Variants in CELF2 observed in about 807,000 individuals in gnomAD.
The protein encoded by CELF2 is CUG triplet repeat RNA-binding protein 2.
CELF2 carries 8 observed loss-of-function variants against 62.6 expected under a neutral mutation model. That is an observed-to-expected ratio of 0.13 (90% CI 0.07 to 0.23). The LOEUF (loss-of-function observed/expected upper bound fraction) is 0.23, where lower values mean the gene tolerates loss of function less well. Ranked by LOEUF, CELF2 falls within the 10% of genes least tolerant of loss-of-function variation. The pLI is 1.00. For missense variants in CELF2, 333 were observed against 671.0 expected, an observed-to-expected ratio of 0.50 and a Z score of 5.56; for synonymous variants, 258 against 250.0, an observed-to-expected ratio of 1.03 and a Z score of -0.30.
rs1488791331 is a variant in CELF2 at position 10,993,682 on chromosome 10, G to A, written c.89+73683G>A. On this transcript the variant is annotated intron_variant, in intron 2 of 13. Transcript: ENST00000636488. The surrounding 1 kb of genome is among the most constrained non-coding windows in gnomAD (Gnocchi z 5.3). ...GCTTGTGCTGCATGATTCTAATGGG[G>A]TATTAGAGAACTGGAGGACAGTCCT... Among the ~76,000 whole-genome samples the A allele has an allele frequency of 6.6e-6, 1 of 152,176 alleles. No individual in the cohort carries two copies. The highest frequency in any genetic ancestry group is 1.5e-5 in the Non-Finnish European group (1 of 68,030).
intron 1 of CELF2, among the ~76,000 whole-genome samples, chr10:11,111,290 T>C (rs1747709): frequency 0.45 from 68,334 of 151,910 alleles, 15,802 homozygotes; most frequent in East Asian, 0.72. Context: ...GTTGAACAAC[T>C]TCCCTGTTCA....
At chr10:10,912,365 G>T (rs2063887151) in intron 1 of CELF2, among the ~76,000 whole-genome samples, 2 of 152,062 alleles carry the variant, frequency 1.3e-5, no homozygotes, top group African/African-American at 4.8e-5. Flanking sequence ...CCCACTTCTA[G>T]AATGTGAAGT....
chr10:11,203,805 T>C (rs2059817953), intron 2 of CELF2, among the ~76,000 whole-genome samples: 1 of 152,234 alleles, frequency 6.6e-6, no homozygotes, highest in South Asian at 2.1e-4. Context: ...ACATCCCCTC[T>C]TGCCCCATGA....
At chr10:11,189,149 G>T (rs535393720) in intron 2 of CELF2, among the ~76,000 whole-genome samples, 2 of 152,122 alleles carry the variant, frequency 1.3e-5, no homozygotes, top group Non-Finnish European at 2.9e-5. Flanking sequence ...TTTTCGGTCT[G>T]GCTGGTAAGG....
At chr10:10,821,785 G>C (rs542134032) in intron 1 of CELF2, among the ~76,000 whole-genome samples, 77 of 152,262 alleles carry the variant, frequency 5.1e-4, no homozygotes, top group Middle Eastern at 3.4e-3. Flanking sequence ...GGAGTATGTG[G>C]TGATGCACGA....
At chr10:10,837,017 C>T (rs1038707369) in intron 1 of CELF2, among the ~76,000 whole-genome samples, 12 of 152,192 alleles carry the variant, frequency 7.9e-5, no homozygotes, top group African/African-American at 2.9e-4. Context: ...TACCTCTGCA[C>T]CTTTGCCTAC....
At chr10:11,085,410 A>G (rs1314034525) in intron 1 of CELF2, among the ~76,000 whole-genome samples, 1 of 152,250 alleles carries the variant, frequency 6.6e-6, no homozygotes, top group African/African-American at 2.4e-5. Context: ...GAGCCCGTGT[A>G]TTAGAACACC....
chr10:11,291,168 C>T (rs190190929), intron 9 of CELF2, among the ~76,000 whole-genome samples: 1 of 152,332 alleles, frequency 6.6e-6, no homozygotes, highest in African/African-American at 2.4e-5. Context: ...TCCCATCTCT[C>T]CTCCACAGGC....
rs556488741 is a variant in CELF2, at chr10:10,830,697, A to C, written c.53+31880A>C. On this transcript the variant is annotated intron_variant, in intron 1 of 13. Coordinates refer to the CELF2 transcript ENST00000636488. The stretch of plus-strand genomic sequence containing the variant: ...AAACTCAAGGGGCTGTATTTCTTTT[A>C]TTTTTTTTTTCTTTTACATAGAAAG... 4.3e-4 allele frequency among the ~76,000 whole-genome samples: 64 copies of C among 150,522 alleles called. 1 individual carries two copies. The South Asian group carries it at 0.013, about 30-fold the overall frequency.
intron 2 of CELF2, among the ~76,000 whole-genome samples, chr10:10,998,011 T>A (rs1016373556): frequency 7.9e-5 from 12 of 152,178 alleles, no homozygotes; most frequent in Non-Finnish European, 1.2e-4. Context: ...TGAGATCTGA[T>A]GGTTTTATAA....
intron 3 of CELF2, among the ~76,000 whole-genome samples, chr10:11,230,113 A>C (rs1388513126): frequency 6.6e-6 from 1 of 152,142 alleles, no homozygotes; most frequent in East Asian, 1.9e-4. Context: ...ACGTCATCTG[A>C]GAAAGTGTTA....
At chr10:10,841,865 C>A (rs2058707563) in intron 1 of CELF2, among the ~76,000 whole-genome samples, 1 of 152,052 alleles carries the variant, frequency 6.6e-6, no homozygotes, top group Non-Finnish European at 1.5e-5. Context: ...TGCATTGAAT[C>A]TATAAATCAA....
At chr10:11,102,873 T>A (rs1005398007) in intron 1 of CELF2, among the ~76,000 whole-genome samples, 5 of 152,214 alleles carry the variant, frequency 3.3e-5, no homozygotes, top group Admixed American at 6.5e-5. Flanking sequence ...CAGTTTTTTC[T>A]TTCTCAATTT....
intron 2 of CELF2, among the ~76,000 whole-genome samples, chr10:10,935,590 A>T (rs1252186902): frequency 6.6e-6 from 1 of 152,210 alleles, no homozygotes; most frequent in Non-Finnish European, 1.5e-5. Flanking sequence ...CTCATACATC[A>T]TACAGGGATG....
At chr10:10,598,763 T>C in the CELF2 span, among the ~76,000 whole-genome samples, 1 of 132,624 alleles carries the variant, frequency 7.5e-6, no homozygotes, top group African/African-American at 2.8e-5. Context: ...TTTTTTTTTT[T>C]TTTTTTTTTT....
At chr10:10,921,139 G>C (rs886484136) in intron 2 of CELF2, among the ~76,000 whole-genome samples, 2 of 152,032 alleles carry the variant, frequency 1.3e-5, no homozygotes, top group Admixed American at 6.6e-5. Flanking sequence ...ATTTTTCGTA[G>C]AGACAGAGTT....
rs1007713414 is a variant in CELF2, at chr10:11,324,038, T to C, written c.1295-1798T>C. Among the ~76,000 whole-genome samples the C allele has an allele frequency of 6.6e-6, 1 of 152,140 alleles. No homozygotes were observed. The highest frequency in any genetic ancestry group is 1.5e-5 in the Non-Finnish European group (1 of 68,018). ...AAGAGATGGTGCTGACATTTTTTTCTTGGGAATATCAGGAGCAAAAGGACA... is the reference window on the plus strand; with the variant it reads ...AAGAGATGGTGCTGACATTTTTTTCCTGGGAATATCAGGAGCAAAAGGACA... On this transcript the variant is annotated intron_variant, in intron 11 of 12. Transcript: ENST00000633077. The surrounding 1 kb of genome is among the most constrained non-coding windows in gnomAD (Gnocchi z 4.7).
chr10:11,023,042 T>C lies in CELF2; in HGVS notation c.74+4879T>C, dbSNP rs148754651. On this transcript the variant is annotated intron_variant, in intron 1 of 12. Coordinates refer to ENST00000633077, the MANE Select transcript of CELF2 (RefSeq NM_001326342.2). The stretch of plus-strand genomic sequence containing the variant: ...CACTTTACCCAAACTTAATAGGTCA[T>C]TATTTCCACTTTAGAGTATTACCGT... 1.1e-3 allele frequency among the ~76,000 whole-genome samples: 172 copies of C among 152,366 alleles called. 1 individual carries two copies. The Middle Eastern group carries it at 0.02, about 18-fold the overall frequency.
At chr10:10,613,858 C>T in the CELF2 span, among the ~76,000 whole-genome samples, 1 of 152,146 alleles carries the variant, frequency 6.6e-6, no homozygotes, top group Non-Finnish European at 1.5e-5. Flanking sequence ...GTACCATAAC[C>T]TCCCCAAAAT....
Sources: gnomAD v4.1 joint callset for allele counts (sites outside exome capture counted in the v4.1 genomes callset) on GRCh38, gnomAD v4.1.1 for gene constraint, Gnocchi (gnomAD v3.1) non-coding constraint, MANE v1.5 for transcripts, NCBI Gene and HGNC (gene_info 2026-07-23, HGNC 2026-07-21) for gene names.